Variants in ARID1B observed in about 807,000 individuals in gnomAD.
ARID1B encodes the protein AT-rich interaction domain 1B.
A neutral mutation model predicts 212.3 loss-of-function variants in ARID1B; 30 were observed. The observed-to-expected ratio is 0.14, with a 90% CI of 0.11 to 0.19. The LOEUF (loss-of-function observed/expected upper bound fraction) is 0.19. Ranked by LOEUF, ARID1B falls within the 10% of genes least tolerant of loss-of-function variation. ARID1B has a pLI of 1.00. For synonymous variants in ARID1B, 1,402 were observed against 1,301.7 expected (o/e 1.08, Z -1.66); for missense variants, 2,891 against 3,204.0 (o/e 0.90, Z 2.36).
At chr6:156,784,526 G>A (rs1049765306) in intron 1 of ARID1B, among the ~76,000 whole-genome samples, 2 of 151,960 alleles carry the variant, frequency 1.3e-5, no homozygotes, top group African/African-American at 2.4e-5. Context: ...AATGACTTAG[G>A]TATCAGTCAT....
At chr6:157,023,504 A>G (rs1167039759) in intron 4 of ARID1B, 1 of 152,246 alleles carries the variant, frequency 6.6e-6, no homozygotes, top group African/African-American at 2.4e-5. Flanking sequence ...CAATTTGGAA[A>G]CAGTGTAATA....
chr6:156,962,193 G>C (rs1794428155), intron 4 of ARID1B, among the ~76,000 whole-genome samples: 2 of 152,004 alleles, frequency 1.3e-5, no homozygotes, highest in African/African-American at 4.8e-5. Flanking sequence ...CAGCTACTCG[G>C]AAGGCTGAGG....
rs559712472 is a variant in ARID1B at position 157,096,275 on chromosome 6, C to T, written c.2491+11370C>T. On this transcript the variant is annotated intron_variant, in intron 5 of 19. Coordinates refer to ENST00000636930, the MANE Select transcript of ARID1B (RefSeq NM_001374828.1). ...CCCCAGTGCCAAGAACAGTGCCTGG[C>T]AAGTAGCGCTATTCAGTAAACATGG... Among the ~76,000 whole-genome samples the T allele has an allele frequency of 3.3e-5, 5 of 152,280 alleles. No homozygotes were observed. In the South Asian group the frequency reaches 1.0e-3, roughly 32 times the overall value.
At chr6:156,926,147 A>T (rs768193391) in intron 3 of ARID1B, among the ~76,000 whole-genome samples, 1 of 152,166 alleles carries the variant, frequency 6.6e-6, no homozygotes, top group Non-Finnish European at 1.5e-5. Context: ...ATAAAGTCAG[A>T]GTGTGAGATT....
chr6:157,005,132 TTTGTTGTTGTTGTTGTTG>T (rs150174504), intron 4 of ARID1B, among the ~76,000 whole-genome samples: 1 of 148,832 alleles, frequency 6.7e-6, no homozygotes, highest in Non-Finnish European at 1.5e-5. Flanking sequence ...CAGGCTGTTT[TTTGTTGTTGTTGTTGTTG>T]TTGTTGTTGT....
At chr6:157,068,182 T>C (rs990183866) in intron 4 of ARID1B, among the ~76,000 whole-genome samples, 2 of 152,252 alleles carry the variant, frequency 1.3e-5, no homozygotes, top group Non-Finnish European at 2.9e-5. Context: ...CGTTGCCTTA[T>C]CAATTCGAGC....
At chr6:156,930,986 A>G (rs149797998) in intron 3 of ARID1B, among the ~76,000 whole-genome samples, 8 of 152,050 alleles carry the variant, frequency 5.3e-5, no homozygotes, top group South Asian at 2.1e-4. Flanking sequence ...GTCAGGAGAT[A>G]GAGACCATTC....
chr6:156,867,917 C>T (rs1036056392), intron 2 of ARID1B, among the ~76,000 whole-genome samples: 1 of 152,148 alleles, frequency 6.6e-6, no homozygotes, highest in Non-Finnish European at 1.5e-5. Context: ...ATGTCCGAAA[C>T]GAGTTGCTGT....
chr6:157,059,885 GA>G (rs1410351273), intron 4 of ARID1B, among the ~76,000 whole-genome samples: 1 of 152,192 alleles, frequency 6.6e-6, no homozygotes, highest in East Asian at 1.9e-4. Flanking sequence ...ACAAGGAGGG[GA>G]AAAATTTATT....
At chr6:157,191,659 G>A (rs568860003) in intron 15 of ARID1B, among the ~76,000 whole-genome samples, 3 of 152,282 alleles carry the variant, frequency 2.0e-5, no homozygotes, top group East Asian at 1.9e-4. Context: ...AGTTCTGCCC[G>A]TGGTCTACAA....
At chr6:157,121,567 A>T (rs966586233) in intron 6 of ARID1B, among the ~76,000 whole-genome samples, 1 of 151,892 alleles carries the variant, frequency 6.6e-6, no homozygotes, top group Non-Finnish European at 1.5e-5. Context: ...AAGGTTTAGA[A>T]AGCAACATTG....
At chr6:156,801,842 CTG>C (rs777716354) in intron 1 of ARID1B, among the ~76,000 whole-genome samples, 5 of 152,004 alleles carry the variant, frequency 3.3e-5, no homozygotes, top group Admixed American at 1.3e-4. Flanking sequence ...TGATTTCTGT[CTG>C]TGTTGCAGTT....
intron 16 of ARID1B, among the ~76,000 whole-genome samples, chr6:157,198,094 T>G (rs1202622101): frequency 1.3e-5 from 2 of 152,216 alleles, no homozygotes; most frequent in East Asian, 3.8e-4. Context: ...TTTTAAAACA[T>G]GCTATTTTTT....
At chr6:156,780,452 A>T (rs1175914664) in intron 1 of ARID1B, 1 of 152,224 alleles carries the variant, frequency 6.6e-6, no homozygotes, top group East Asian at 1.9e-4. Flanking sequence ...CTAAAGACTG[A>T]CTTGATCTCC....
At chr6:156,956,903 G>A (rs1224457481) in intron 4 of ARID1B, among the ~76,000 whole-genome samples, 16 of 152,138 alleles carry the variant, frequency 1.1e-4, no homozygotes, top group Admixed American at 9.8e-4. Flanking sequence ...GGCTAGTGCC[G>A]ACCATACTGG....
chr6:157,195,088 G>A (rs1384861332), intron 15 of ARID1B: 1 of 152,224 alleles, frequency 6.6e-6, no homozygotes, highest in Non-Finnish European at 1.5e-5. Context: ...ATCTGGGCCT[G>A]TATTAGTTTT....
At chr6:156,928,594 G>A (rs1791437679) in intron 3 of ARID1B, among the ~76,000 whole-genome samples, 1 of 152,160 alleles carries the variant, frequency 6.6e-6, no homozygotes, top group African/African-American at 2.4e-5. Flanking sequence ...CCAAGCAGGG[G>A]GCCACATGGA....
chr6:157,203,848 G>C lies in ARID1B; in HGVS notation c.5264-18G>C, dbSNP rs749508908. The C allele has an allele frequency of 5.0e-6, 8 of 1,613,712 alleles. No individual in the cohort carries two copies. Among genetic ancestry groups the C allele is most frequent in the Non-Finnish European group, 6.8e-6 (8 of 1,179,716 alleles). ...TAGAGTCAACATTCATGATATCCTT[G>C]TTCTTCCCCATCTTCAGTTACTCCT... On this transcript the variant is annotated intron_variant, in intron 18 of 19. Coordinates refer to ENST00000636930, the MANE Select transcript of ARID1B (RefSeq NM_001374828.1). The surrounding 1 kb of genome is among the most constrained non-coding windows in gnomAD (Gnocchi z 4.4).
rs1794063133 is a variant in ARID1B, at chr6:157,200,968, G to A, written c.4743G>A (p.Glu1581=). 6.2e-7 allele frequency: 1 copy of A among 1,613,992 alleles called. No individual in the cohort carries two copies. The highest frequency in any genetic ancestry group is 1.3e-5 in the African/African-American group (1 of 74,938). Residue 1581 remains glutamate (E), a synonymous_variant, in exon 18 of 20, where the codon GAG becomes GAA. Coordinates refer to ENST00000636930, the MANE Select transcript of ARID1B (RefSeq NM_001374828.1). The surrounding 1 kb of genome is among the most constrained non-coding windows in gnomAD (Gnocchi z 4.3). ...MGGPLQSSSS[E]GPQQNMWAAR... is the part of the protein sequence containing the mutation. ...GCCCGCTGCAGTCGTCCTCCAGTGA[G>A]GGGCCTCAGCAGAATATGTGGGCAG...
Sources: allele counts gnomAD v4.1 joint callset (sites outside exome capture counted in the v4.1 genomes callset), GRCh38; gene constraint gnomAD v4.1.1; non-coding constraint Gnocchi (gnomAD v3.1); transcripts MANE v1.5; gene names NCBI Gene and HGNC (gene_info 2026-07-23, HGNC 2026-07-21).